The following PAM variants were observed in gnomAD, a reference collection of about 807,000 sequenced individuals.
PAM encodes peptidyl-glycine alpha-amidating monooxygenase.
Under a neutral mutation model 122.1 loss-of-function variants are expected in PAM, and 72 were observed. The observed-to-expected ratio is 0.59, with a 90% confidence interval of 0.49 to 0.72. The LOEUF (loss-of-function observed/expected upper bound fraction) is 0.72, where lower values mean the gene tolerates loss of function less well. Among genes scored for constraint, PAM ranks in the 30% least tolerant of loss-of-function variants. PAM has a pLI of 0.00. For synonymous variants in PAM, 389 were observed against 404.4 expected (o/e 0.96, Z 0.46); for missense variants, 1,106 against 1,183.7 (o/e 0.93, Z 0.96).
intron 3 of PAM, among the ~76,000 whole-genome samples, chr5:102,888,278 G>A (rs1241881404): frequency 6.6e-6 from 1 of 151,754 alleles, no homozygotes; most frequent in Non-Finnish European, 1.5e-5. Context: ...ACACTTCCTG[G>A]TCTGTTCCAG....
Position 102,948,380 on chromosome 5 carries a change from A to G in PAM, c.578A>G (p.Gln193Arg), listed in dbSNP as rs1757690494. The change falls in exon 9 of 26, where the codon CAG (glutamine) becomes CGG (arginine). Residue 193 changes from glutamine to arginine, a missense_variant and splice_region_variant. Around this residue, in one of 3 missense-constraint regions of PAM, gnomAD observed 670 missense variants for 690.3 expected, o/e 0.97. Transcript: ENST00000438793. ...GVSLHLTRLP[Q>R]PLIAGMYLMM... ...AAAAATGTTATTTTTTTCTGCAGACAGCCTTTAATTGCTGGCATGTACCTT... is the reference window on the plus strand; with the variant it reads ...AAAAATGTTATTTTTTTCTGCAGACGGCCTTTAATTGCTGGCATGTACCTT... 2 of 1,566,064 alleles carry G rather than the reference A, an allele frequency of 1.3e-6. No homozygotes were observed. The highest frequency in any genetic ancestry group is 1.7e-5 in the Admixed American group (1 of 58,208).
intron 3 of PAM, among the ~76,000 whole-genome samples, chr5:102,900,509 A>AT (rs773771534): frequency 5.9e-5 from 9 of 151,622 alleles, no homozygotes; most frequent in Middle Eastern, 3.4e-3. Flanking sequence ...AAAATTCACA[A>AT]TTTTTTGGTG....
intron 15 of PAM, among the ~76,000 whole-genome samples, chr5:102,985,435 G>C (rs1444856046): frequency 6.6e-6 from 1 of 151,940 alleles, no homozygotes; most frequent in African/African-American, 2.4e-5. Context: ...ACTGATTTCT[G>C]TATGAAAACT....
intron 1 of PAM, among the ~76,000 whole-genome samples, chr5:102,829,239 G>A (rs1423160434): frequency 3.3e-5 from 5 of 151,898 alleles, no homozygotes; most frequent in Admixed American, 6.6e-5. Flanking sequence ...GTACACCAAC[G>A]TTAAATGGTT....
At chr5:102,936,793 C>A (rs1407962281) in intron 7 of PAM, among the ~76,000 whole-genome samples, 1 of 151,900 alleles carries the variant, frequency 6.6e-6, no homozygotes, top group Non-Finnish European at 1.5e-5. Flanking sequence ...TATCACTGGG[C>A]CCAGGATTCT....
chr5:102,928,303 T>C (rs1342327479), intron 7 of PAM, among the ~76,000 whole-genome samples: 2 of 152,246 alleles, frequency 1.3e-5, no homozygotes, highest in Non-Finnish European at 2.9e-5. Flanking sequence ...AATATGTTAC[T>C]GTAATAATTT....
At chr5:102,757,399 G>C (rs373984675) in intron 1 of PAM, among the ~76,000 whole-genome samples, 1 of 152,148 alleles carries the variant, frequency 6.6e-6, no homozygotes, top group Admixed American at 6.5e-5. Context: ...GAAATAACAA[G>C]TTTGTTAAGA....
chr5:102,989,142 T>G (rs1450676921), intron 15 of PAM, among the ~76,000 whole-genome samples: 1 of 152,174 alleles, frequency 6.6e-6, no homozygotes, highest in East Asian at 1.9e-4. Flanking sequence ...TTCATAACTG[T>G]ATATCCTCAA....
At chr5:102,873,356 A>G (rs1027803568) in intron 3 of PAM, 2 of 152,162 alleles carry the variant, frequency 1.3e-5, no homozygotes, top group Non-Finnish European at 2.9e-5. Flanking sequence ...CCTTTTGGGC[A>G]CCAGCTGGTG....
At chr5:102,882,090 T>C (rs1791404807) in intron 3 of PAM, among the ~76,000 whole-genome samples, 5 of 96,114 alleles carry the variant, frequency 5.2e-5, no homozygotes, top group South Asian at 3.8e-4. Context: ...TATATATATA[T>C]ATATATATAT....
At chr5:103,016,667 T>TC (rs149198915) in intron 21 of PAM, among the ~76,000 whole-genome samples, 2,478 of 152,250 alleles carry the variant, frequency 0.016, 59 homozygotes, top group African/African-American at 0.057. Flanking sequence ...ATACAGAGCA[T>TC]CTGAAGTAGG....
intron 23 of PAM, among the ~76,000 whole-genome samples, chr5:103,023,502 A>C (rs1784183256): frequency 6.7e-6 from 1 of 150,150 alleles, no homozygotes; most frequent in Non-Finnish European, 1.5e-5. Context: ...TTCCTATAGC[A>C]ACCAAAAAAA....
Position 103,017,409 on chromosome 5 carries a change from G to C in PAM, c.2407G>C (p.Val803Leu). 1.2e-6 allele frequency: 2 copies of C among 1,603,852 alleles called. No individual in the cohort carries two copies. Among genetic ancestry groups the C allele is most frequent in the Non-Finnish European group, 8.5e-7 (1 of 1,170,870 alleles). The change falls in exon 22 of 26, where the codon GTG becomes CTG. Residue 803 changes from valine to leucine, a missense_variant. Physicochemically the swap from Val to Leu is conservative, Grantham distance 32. Around this residue, in one of 3 missense-constraint regions of PAM, gnomAD observed 333 missense variants for 335.6 expected, o/e 0.99. Transcript: ENST00000438793. ...CATTGGAGATGCTCATACCAACACC[G>C]TGTGGAAGTTCACCTTGACTGAGAG... is the stretch of plus-strand genomic sequence containing the variant. ...VYIGDAHTNT[V>L]WKFTLTEKLE...
Position 102,766,871 on chromosome 5 carries a change from C to A in PAM, c.-374+11523C>A, listed in dbSNP as rs529780119. Among the ~76,000 whole-genome samples, 143 of 101,152 alleles carry A rather than the reference C, an allele frequency of 1.4e-3. 1 individual carries two copies. In the South Asian group the frequency reaches 0.022, roughly 16 times the overall value. The allele number at this position is 101,152 out of a possible 152,430, so 66.4% of individuals were successfully genotyped here. A position where few individuals can be genotyped will look rare whatever the true frequency, so the allele number is the denominator to read the frequency against. ...AAAATATGCAATTCATATATTTATTCGTATAATTTTTATGTGGACTTTTTG... is the reference window on the plus strand; with the variant it reads ...AAAATATGCAATTCATATATTTATTAGTATAATTTTTATGTGGACTTTTTG... On this transcript the variant is annotated intron_variant, in intron 1 of 25. Transcript: ENST00000438793.
At chr5:102,936,686 G>A (rs60463731) in intron 7 of PAM, among the ~76,000 whole-genome samples, 9,719 of 152,054 alleles carry the variant, frequency 0.064, 617 homozygotes, top group East Asian at 0.18. Flanking sequence ...ATTATTATTT[G>A]TAAATTGCTG....
At chr5:102,992,977 A>T (rs939921455) in intron 16 of PAM, among the ~76,000 whole-genome samples, 36 of 152,088 alleles carry the variant, frequency 2.4e-4, no homozygotes, top group African/African-American at 8.4e-4. Context: ...CTTTAATATC[A>T]TTGCATCAGC....
intron 1 of PAM, among the ~76,000 whole-genome samples, chr5:102,782,719 CTCTCTCTGTG>C (rs989817296): frequency 6.2e-5 from 9 of 146,144 alleles, no homozygotes; most frequent in South Asian, 2.2e-4. Flanking sequence ...CTCTCTCTCT[CTCTCTCTGTG>C]TGTGTGTGTG....
chr5:102,909,440 C>T (rs898734645), intron 4 of PAM, among the ~76,000 whole-genome samples: 2 of 151,792 alleles, frequency 1.3e-5, no homozygotes, highest in South Asian at 2.1e-4. Context: ...TTTAAAGGAG[C>T]ATTACAATCC....
At chr5:102,942,167 CTCTT>C (rs1755478513) in intron 7 of PAM, among the ~76,000 whole-genome samples, 1 of 152,106 alleles carries the variant, frequency 6.6e-6, no homozygotes, top group African/African-American at 2.4e-5. Flanking sequence ...GGAGACCTCA[CTCTT>C]TATTCTCCTA....
Sources: gnomAD v4.1 joint callset for allele counts (sites outside exome capture counted in the v4.1 genomes callset) on GRCh38, gnomAD v4.1.1 for gene constraint, gnomAD v4.1.1 regional missense constraint, MANE v1.5 for transcripts, NCBI Gene and HGNC (gene_info 2026-07-23, HGNC 2026-07-21) for gene names.